Variants in RGS7 observed in about 807,000 individuals in gnomAD.
RGS7 encodes regulator of G protein signaling 7, also known as regulator of G-protein signaling 7.
A neutral mutation model predicts 81.1 loss-of-function variants in RGS7; 27 were observed. That is an observed-to-expected ratio of 0.33 (90% confidence interval 0.25 to 0.46). The LOEUF (loss-of-function observed/expected upper bound fraction) is 0.46, where lower values mean the gene tolerates loss of function less well. Ranked by LOEUF, RGS7 falls within the 20% of genes least tolerant of loss-of-function variation. The pLI, the probability that RGS7 is intolerant of heterozygous loss-of-function variation, is 1.00. For missense variants in RGS7, 396 were observed against 607.4 expected (o/e 0.65, Z 3.66); for synonymous variants, 208 against 207.7 (o/e 1.00, Z -0.01).
chr1:241,122,709 G>A (rs1477211138), intron 2 of RGS7, among the ~76,000 whole-genome samples: 1 of 150,044 alleles, frequency 6.7e-6, no homozygotes, highest in African/African-American at 2.4e-5. Flanking sequence ...GAACATCATA[G>A]CTTAGTCTAG....
Position 240,868,663 on chromosome 1 carries a change from T to A in RGS7, c.533A>T (p.Asp178Val). The change falls in exon 9 of 19, where the codon GAC becomes GTC. Residue 178 changes from aspartate (D) to valine (V), a missense_variant. Physicochemically the swap from Asp to Val is radical, Grantham distance 152. Transcript: ENST00000440928. This position sits in a 1 kb window ranked among gnomAD's most constrained non-coding sequence, Gnocchi z 5.1. ...FMQAEAQAKV[D>V]KKRDKIERKI... The stretch of plus-strand genomic sequence containing the variant: ...CCTTTCAATCTTGTCTCTCTTCTTG[T>A]CCACTCTGTCAACACAGTAACAATA... The A allele has an allele frequency of 6.2e-7, 1 of 1,614,084 alleles. No homozygotes were observed. The highest frequency in any genetic ancestry group is 8.5e-7 in the Non-Finnish European group (1 of 1,179,956).
chr1:241,117,829 A>C (rs2065976215), intron 2 of RGS7, among the ~76,000 whole-genome samples: 1 of 152,220 alleles, frequency 6.6e-6, no homozygotes, highest in South Asian at 2.1e-4. Context: ...TCGTGTAAGA[A>C]ATCAGACAAT....
chr1:241,037,812 T>C (rs1299706641), intron 3 of RGS7, among the ~76,000 whole-genome samples: 2 of 152,040 alleles, frequency 1.3e-5, no homozygotes, highest in African/African-American at 4.8e-5. Flanking sequence ...TAATGACTTT[T>C]GCAGCAAATT....
At chr1:240,954,420 A>T (rs2341020) in intron 4 of RGS7, among the ~76,000 whole-genome samples, 131,193 of 152,124 alleles carry the variant, frequency 0.86, 56,859 homozygotes, top group Admixed American at 0.93. Flanking sequence ...CTTATTGCAC[A>T]TATGCAAGCC....
intron 6 of RGS7, among the ~76,000 whole-genome samples, chr1:240,903,584 T>G (rs1670358458): frequency 6.6e-6 from 1 of 152,184 alleles, no homozygotes; most frequent in African/African-American, 2.4e-5. Context: ...ACAACAATGC[T>G]GATCTTCCTA....
intron 2 of RGS7, among the ~76,000 whole-genome samples, chr1:241,147,764 C>A (rs1481560461): frequency 2.5e-5 from 2 of 81,136 alleles, no homozygotes; most frequent in Non-Finnish European, 4.9e-5. Context: ...ATTAAATATC[C>A]CATCTAGATT....
At chr1:241,234,719 T>C (rs2075837548) in intron 2 of RGS7, among the ~76,000 whole-genome samples, 1 of 152,184 alleles carries the variant, frequency 6.6e-6, no homozygotes, top group South Asian at 2.1e-4. Context: ...CTTGGGTCTC[T>C]CTTAACTGTT....
intron 4 of RGS7, among the ~76,000 whole-genome samples, chr1:240,949,569 C>T (rs562207827): frequency 2.6e-5 from 4 of 152,048 alleles, no homozygotes; most frequent in African/African-American, 4.8e-5. Flanking sequence ...AAGGATGGGC[C>T]GGGTGTGGTG....
At chr1:240,949,315 T>C (rs1253786825) in intron 4 of RGS7, among the ~76,000 whole-genome samples, 2 of 152,220 alleles carry the variant, frequency 1.3e-5, no homozygotes, top group Non-Finnish European at 2.9e-5. Flanking sequence ...CAGGTTTTAT[T>C]AATTTACCCT....
chr1:240,782,144 T>C (rs561205529), intron 18 of RGS7, among the ~76,000 whole-genome samples: 32 of 152,210 alleles, frequency 2.1e-4, no homozygotes, highest in South Asian at 6.2e-4. Flanking sequence ...TCCTGCCTTA[T>C]TCACATAGTG....
chr1:240,978,026 C>A (rs751786897), intron 4 of RGS7, among the ~76,000 whole-genome samples: 1 of 152,098 alleles, frequency 6.6e-6, no homozygotes, highest in Non-Finnish European at 1.5e-5. Context: ...AGGATTACTC[C>A]CAGGTCCAGC....
intron 2 of RGS7, among the ~76,000 whole-genome samples, chr1:241,157,719 A>C (rs1233760086): frequency 6.6e-6 from 1 of 152,178 alleles, no homozygotes; most frequent in Non-Finnish European, 1.5e-5. Flanking sequence ...TCAGTGGTTG[A>C]AAAAAATAAA....
chr1:240,827,005 C>A, intron 10 of RGS7, 93 bp downstream of exon 10: 1 of 1,017,072 alleles, frequency 9.8e-7, no homozygotes, highest in South Asian at 1.3e-5. Flanking sequence ...GGGAAAGATA[C>A]TGCATGACAT....
chr1:241,250,854 G>A (rs1348879220), intron 2 of RGS7, among the ~76,000 whole-genome samples: 2 of 152,176 alleles, frequency 1.3e-5, no homozygotes, highest in Non-Finnish European at 2.9e-5. Context: ...GTGGCTCTCT[G>A]GAAGCCCCTC....
intron 4 of RGS7, among the ~76,000 whole-genome samples, chr1:240,968,961 C>T (rs1209978240): frequency 1.3e-5 from 2 of 152,144 alleles, no homozygotes; most frequent in Admixed American, 6.5e-5. Context: ...TAAGAAATAC[C>T]GCATTATCTT....
intron 18 of RGS7, among the ~76,000 whole-genome samples, chr1:240,797,234 T>G (rs187257699): frequency 6.6e-6 from 1 of 152,310 alleles, no homozygotes; most frequent in Non-Finnish European, 1.5e-5. Context: ...ATTATGAATC[T>G]TGATTGAAGG....
At chr1:241,334,845 T>C (rs1244383309) in intron 2 of RGS7, among the ~76,000 whole-genome samples, 1 of 136,530 alleles carries the variant, frequency 7.3e-6, no homozygotes, top group African/African-American at 3.6e-5. Context: ...GAATCATTAA[T>C]TGTGTTACAC....
intron 3 of RGS7, among the ~76,000 whole-genome samples, chr1:241,022,526 C>T (rs1358589037): frequency 6.6e-6 from 1 of 152,186 alleles, no homozygotes; most frequent in Non-Finnish European, 1.5e-5. Flanking sequence ...CTGATGCCAC[C>T]CAGATCTATA....
chr1:241,309,285 C>T (rs1279859672), intron 2 of RGS7, among the ~76,000 whole-genome samples: 1 of 146,932 alleles, frequency 6.8e-6, no homozygotes, highest in Non-Finnish European at 1.5e-5. Flanking sequence ...ACCCGGGAGG[C>T]TGAGGCATGA....
Sources: gnomAD v4.1 joint callset for allele counts (sites outside exome capture counted in the v4.1 genomes callset) on GRCh38, gnomAD v4.1.1 for gene constraint, Gnocchi (gnomAD v3.1) non-coding constraint, MANE v1.5 for transcripts, NCBI Gene and HGNC (gene_info 2026-07-23, HGNC 2026-07-21) for gene names.